The following RPS6KA1 variants were observed in gnomAD, a reference collection of about 807,000 sequenced individuals.
RPS6KA1 encodes ribosomal protein S6 kinase alpha-1.
A neutral mutation model predicts 91.3 loss-of-function variants in RPS6KA1; 48 were observed. That is an observed-to-expected ratio of 0.53 (90% CI 0.42 to 0.67). RPS6KA1 has a LOEUF of 0.67. RPS6KA1 is among the 30% of genes least tolerant of loss of function. The probability of loss-of-function intolerance (pLI) is 0.00; values close to 1 mark genes in which losing one functional copy is unlikely to be tolerated. For synonymous variants in RPS6KA1, 359 were observed against 384.7 expected, an observed-to-expected ratio of 0.93 and a Z score of 0.78; for missense variants, 719 against 960.5, an observed-to-expected ratio of 0.75 and a Z score of 3.32.
chr1:26,545,069 C>T (rs2075980550), intron 2 of RPS6KA1, among the ~76,000 whole-genome samples: 1 of 152,012 alleles, frequency 6.6e-6, no homozygotes, highest in East Asian at 1.9e-4. Flanking sequence ...ATATGAATTC[C>T]TCCTGCCTCT....
rs1211910838 is a variant in RPS6KA1 at position 26,551,458 on chromosome 1, C to T, written c.369C>T (p.Phe123=). Residue 123 remains phenylalanine (F), a synonymous_variant, in exon 5 of 22, where the codon TTC becomes TTT. Coordinates refer to ENST00000374168, the MANE Select transcript of RPS6KA1 (RefSeq NM_002953.4). The surrounding 1 kb of genome is among the most constrained non-coding windows in gnomAD (Gnocchi z 4.5). ...TCCTGGCTGATGTAAATCACCCATT[C>T]GTGGTGAAGCTGCACTATGGTAAAG... ...RDILADVNHP[F]VVKLHYAFQT... The T allele has an allele frequency of 5.0e-6, 8 of 1,613,976 alleles. No homozygotes were observed. Among genetic ancestry groups the T allele is most frequent in the East Asian group, 2.2e-5 (1 of 44,888 alleles).
chr1:26,541,508 T>G (rs2075947647), intron 2 of RPS6KA1, among the ~76,000 whole-genome samples: 1 of 151,876 alleles, frequency 6.6e-6, no homozygotes, highest in Non-Finnish European at 1.5e-5. Context: ...TGAGCTGAGA[T>G]CTCACCACTG....
intron 4 of RPS6KA1, among the ~76,000 whole-genome samples, chr1:26,548,979 T>A (rs1429258022): frequency 2.6e-5 from 4 of 151,382 alleles, no homozygotes; most frequent in African/African-American, 9.7e-5. Flanking sequence ...CTTCTACTTG[T>A]AGCAAGGGCC....
chr1:26,542,382 C>T (rs189761802), intron 2 of RPS6KA1, among the ~76,000 whole-genome samples: 41 of 152,274 alleles, frequency 2.7e-4, no homozygotes, highest in African/African-American at 9.1e-4. Flanking sequence ...AGGGGAAGTC[C>T]GTGTGTGCGT....
intron 17 of RPS6KA1, among the ~76,000 whole-genome samples, chr1:26,565,807 C>T (rs762458968): frequency 9.2e-5 from 14 of 152,136 alleles, no homozygotes; most frequent in East Asian, 1.9e-4. Context: ...AGTGATCCAC[C>T]GGTCTCGGCC....
rs112552710 is a variant in RPS6KA1 at position 26,561,525 on chromosome 1, C to A, written c.1452C>A (p.His484Gln). The change falls in exon 17 of 22, where the codon CAC (histidine) becomes CAA (glutamine). Residue 484 changes from histidine to glutamine, a missense_variant. Around this residue, in one of 5 missense-constraint regions of RPS6KA1, gnomAD observed 249 missense variants for 323.1 expected, o/e 0.77. Coordinates refer to ENST00000374168, the MANE Select transcript of RPS6KA1 (RefSeq NM_002953.4). The surrounding 1 kb of genome is among the most constrained non-coding windows in gnomAD (Gnocchi z 5.7). ...TLKDVYDDGK[H>Q]VYLVTELMRG... ...GGCAGGTGTATGATGATGGCAAACA[C>A]GTGTACCTGGTGACAGAGCTGATGC... 1.2e-6 allele frequency: 2 copies of A among 1,614,088 alleles called. No homozygotes were observed. The highest frequency in any genetic ancestry group is 3.3e-5 in the Admixed American group (2 of 60,012).
chr1:26,573,327 G>C lies in RPS6KA1; in HGVS notation c.2051G>C (p.Ser684Thr), dbSNP rs1156504247. 6.2e-7 allele frequency: 1 copy of C among 1,614,086 alleles called. No individual in the cohort carries two copies. The highest frequency in any genetic ancestry group is 1.3e-5 in the African/African-American group (1 of 74,940). The change falls in exon 21 of 22, where the codon AGC (serine) becomes ACC (threonine). Residue 684 changes from serine to threonine, a missense_variant. Physicochemically the swap from Ser to Thr is moderately conservative, Grantham distance 58. Transcript: ENST00000374168. ...WVTQKDKLPQ[S>T]QLSHQDLQLV... ...ACCCAGAAAGACAAGCTTCCCCAAA[G>C]CCAGCTGTCCCACCAGGACCTACAG...
Position 26,555,558 on chromosome 1 carries a change from G to C in RPS6KA1, c.849G>C (p.Gln283His). The C allele has an allele frequency of 6.3e-7, 1 of 1,599,014 alleles. No individual in the cohort carries two copies. Among genetic ancestry groups the C allele is most frequent in the Non-Finnish European group, 8.5e-7 (1 of 1,172,110 alleles). ...TCAGGGCGAAGCTAGGCATGCCCCA[G>C]TTTCTGAGCACTGAAGCCCAGAGCC... ...LILKAKLGMP[Q>H]FLSTEAQSLL... Residue 283 changes from glutamine (Q) to histidine (H), a missense_variant, in exon 11 of 22, where the codon CAG becomes CAC. Physicochemically the swap from Gln to His is conservative, Grantham distance 24. Coordinates refer to ENST00000374168, the MANE Select transcript of RPS6KA1 (RefSeq NM_002953.4). The surrounding 1 kb of genome is among the most constrained non-coding windows in gnomAD (Gnocchi z 4.3).
At chr1:26,569,493 A>G (rs1437391728) in intron 17 of RPS6KA1, among the ~76,000 whole-genome samples, 1 of 152,174 alleles carries the variant, frequency 6.6e-6, no homozygotes, top group Non-Finnish European at 1.5e-5. Flanking sequence ...CTACCCTAAC[A>G]GTGTGGCCCT....
intron 2 of RPS6KA1, among the ~76,000 whole-genome samples, chr1:26,541,952 A>ATGC (rs1163282857): frequency 6.6e-6 from 1 of 152,176 alleles, no homozygotes; most frequent in Non-Finnish European, 1.5e-5. Flanking sequence ...GGAAGTCCCT[A>ATGC]TGCGGGGGAT....
At position 26,554,220 on chromosome 1, in the gene RPS6KA1, T is replaced by G. The variant is rs777436870; in HGVS notation, c.582T>G (p.Leu194=). The G allele has an allele frequency of 1.3e-6, 2 of 1,555,194 alleles. No individual in the cohort carries two copies. The highest frequency in any genetic ancestry group is 2.4e-5 in the South Asian group (2 of 84,226). Residue 194 remains leucine, a synonymous_variant, in exon 8 of 22, where the codon CTT becomes CTG. Transcript: ENST00000374168. This position sits in a 1 kb window ranked among gnomAD's most constrained non-coding sequence, Gnocchi z 4.6. ...IYRDLKPENI[L]LDEEGHIKLT... ...CACTATTTCTCTATTACAGCATCCT[T>G]CTGGATGAGGAGGGCCACATCAAAC...
At chr1:26,541,077 AC>A (rs1357610986) in intron 2 of RPS6KA1, among the ~76,000 whole-genome samples, 1 of 151,614 alleles carries the variant, frequency 6.6e-6, no homozygotes, top group African/African-American at 2.4e-5. Context: ...GGCATGAGCC[AC>A]CGCGCCCGGC....
At chr1:26,568,410 T>C (rs2076222295) in intron 17 of RPS6KA1, among the ~76,000 whole-genome samples, 1 of 152,200 alleles carries the variant, frequency 6.6e-6, no homozygotes, top group Admixed American at 6.5e-5. Context: ...CAGTTTCCTA[T>C]AGGAATTTGT....
At chr1:26,536,904 A>G in intron 1 of RPS6KA1, 21 bp from the exon 2 acceptor site, 1 of 1,613,876 alleles carries the variant, frequency 6.2e-7, no homozygotes, top group Non-Finnish European at 8.5e-7. Flanking sequence ...GTGCTCCCCC[A>G]ATCTCCTTTC....
Position 26,574,005 on chromosome 1 carries a change from T to C in RPS6KA1, c.2086-74T>C, listed in dbSNP as rs1570469438. The C allele has an allele frequency of 6.5e-7, 1 of 1,535,488 alleles. No individual in the cohort carries two copies. Among genetic ancestry groups the C allele is most frequent in the Admixed American group, 1.8e-5 (1 of 54,118 alleles). ...TGTGGAACACTGAGAGGGGCTGGCCTACCCTTGGGGCATGGATCCCCTCCC... is the reference window on the plus strand; with the variant it reads ...TGTGGAACACTGAGAGGGGCTGGCCCACCCTTGGGGCATGGATCCCCTCCC... On this transcript the variant is annotated intron_variant, in intron 21 of 21. Transcript: ENST00000374168. This position sits in a 1 kb window ranked among gnomAD's most constrained non-coding sequence, Gnocchi z 4.3.
intron 14 of RPS6KA1, among the ~76,000 whole-genome samples, chr1:26,559,436 A>C (rs1178607516): frequency 1.3e-5 from 2 of 151,940 alleles, no homozygotes; most frequent in Non-Finnish European, 2.9e-5. Context: ...GCACAATCTC[A>C]GCTCACTACA....
rs1378522120 is a variant in RPS6KA1, at chr1:26,529,989, T to C, written c.63+6T>C. 1 of 1,390,556 alleles carries C rather than the reference T, an allele frequency of 7.2e-7. No homozygotes were observed. The highest frequency in any genetic ancestry group is 9.3e-7 in the Non-Finnish European group (1 of 1,069,840). The allele number at this position is 1,390,556 out of a possible 1,614,324, so 86.1% of individuals were successfully genotyped here. ...TAGTGCCTCTGGACCCGGAGGTGAGTGAGCGGGGCGGGGGACGGGCGCCCG... is the reference window on the plus strand; with the variant it reads ...TAGTGCCTCTGGACCCGGAGGTGAGCGAGCGGGGCGGGGGACGGGCGCCCG... On this transcript the variant is annotated splice_donor_region_variant and intron_variant, in intron 1 of 21. Transcript: ENST00000374168. This position sits in a 1 kb window ranked among gnomAD's most constrained non-coding sequence, Gnocchi z 4.2.
rs1162166948 is a variant in RPS6KA1, at chr1:26,555,111, G to C, written c.757-40G>C. 1.9e-6 allele frequency: 3 copies of C among 1,602,186 alleles called. No individual in the cohort carries two copies. The highest frequency in any genetic ancestry group is 2.6e-6 in the Non-Finnish European group (3 of 1,169,380). ...GGGAGGAGGCGGGAGGTGTGTCGGA[G>C]ACAGGGATCAGAGCCTGAATAGATC... On this transcript the variant is annotated intron_variant, in intron 9 of 21. Transcript: ENST00000374168. The surrounding 1 kb of genome is among the most constrained non-coding windows in gnomAD (Gnocchi z 4.3).
intron 2 of RPS6KA1, among the ~76,000 whole-genome samples, chr1:26,539,525 C>T (rs537208655): frequency 6.6e-6 from 1 of 152,244 alleles, no homozygotes; most frequent in East Asian, 1.9e-4. Context: ...GGGTTCTTTC[C>T]TGAAAAATGA....
Sources: allele counts gnomAD v4.1 joint callset (sites outside exome capture counted in the v4.1 genomes callset), GRCh38; gene constraint gnomAD v4.1.1; regional missense constraint gnomAD v4.1.1; non-coding constraint Gnocchi (gnomAD v3.1); transcripts MANE v1.5; gene names NCBI Gene and HGNC (gene_info 2026-07-23, HGNC 2026-07-21).